Variants in GRAMD1A observed in about 807,000 individuals in gnomAD.
The protein encoded by GRAMD1A is protein Aster-A.
Under a neutral mutation model 92.0 loss-of-function variants are expected in GRAMD1A, and 50 were observed. The ratio of observed to expected loss-of-function variants is 0.54; its 90% CI spans 0.43 to 0.69. The LOEUF (loss-of-function observed/expected upper bound fraction) is 0.69. Among genes scored for constraint, GRAMD1A ranks in the 30% least tolerant of loss-of-function variants. The pLI is 0.00. For synonymous variants in GRAMD1A, 405 were observed against 403.6 expected, an observed-to-expected ratio of 1.00 and a Z score of -0.04; for missense variants, 819 against 978.9, an observed-to-expected ratio of 0.84 and a Z score of 2.18.
rs1384225983 is a variant in GRAMD1A at position 35,023,408 on chromosome 19, A to C, written c.1962-19A>C. 6.2e-7 allele frequency: 1 copy of C among 1,601,860 alleles called. No individual in the cohort carries two copies. Among genetic ancestry groups the C allele is most frequent in the African/African-American group, 1.3e-5 (1 of 74,330 alleles). On this transcript the variant is annotated intron_variant, in intron 18 of 19. Coordinates refer to ENST00000317991, the MANE Select transcript of GRAMD1A (RefSeq NM_020895.5). ...ATCGGGGGAGGCCAAGGCCCTGCTC[A>C]GGCCTGGCATCCCCACAGCAAGTTC... is the stretch of plus-strand genomic sequence containing the variant.
chr19:35,013,788 G>A lies in GRAMD1A; in HGVS notation c.870+97G>A. 1 of 1,245,494 alleles carries A rather than the reference G, an allele frequency of 8.0e-7. No homozygotes were observed. The highest frequency in any genetic ancestry group is 1.1e-6 in the Non-Finnish European group (1 of 880,004). The allele number at this position is 1,245,494 out of a possible 1,614,324, so 77.2% of individuals were successfully genotyped here. A position where few individuals can be genotyped will look rare whatever the true frequency, so the allele number is the denominator to read the frequency against. ...AAGAACAGCCTGACAGATTTGGAGG[G>A]GAATGGATAGGGGGACAGGGGAGGC... On this transcript the variant is annotated intron_variant, in intron 9 of 19. Transcript: ENST00000317991. The surrounding 1 kb of genome is among the most constrained non-coding windows in gnomAD (Gnocchi z 4.9).
rs2015360125 is a variant in GRAMD1A at position 35,013,133 on chromosome 19, G to A, written c.607-123G>A. On this transcript the variant is annotated intron_variant, in intron 7 of 19. Transcript: ENST00000317991. The surrounding 1 kb of genome is among the most constrained non-coding windows in gnomAD (Gnocchi z 4.9). ...TGCTGAGGCCAGGTCTGGTGCGGGA[G>A]ATCGTGGCTGCCTCCTTGTGGAAGC... 1.6e-6 allele frequency: 1 copy of A among 617,872 alleles called. No individual in the cohort carries two copies. The highest frequency in any genetic ancestry group is 2.8e-5 in the East Asian group (1 of 36,272). The allele number at this position is 617,872 out of a possible 1,614,324, so 38.3% of individuals were successfully genotyped here. A position where few individuals can be genotyped will look rare whatever the true frequency, so the allele number is the denominator to read the frequency against.
upstream of GRAMD1A, chr19:34,998,587 C>A (rs1007829768): frequency 2.6e-5 from 4 of 151,836 alleles, no homozygotes; most frequent in African/African-American, 9.7e-5. Context: ...ACAGGCGTGA[C>A]CCAACGCGCC....
Position 35,011,479 on chromosome 19 carries a change from C to T in GRAMD1A, c.531C>T (p.Phe177=), listed in dbSNP as rs774300269. Residue 177 remains phenylalanine (F), a synonymous_variant, in exon 7 of 20, where the codon TTC becomes TTT. Coordinates refer to ENST00000317991, the MANE Select transcript of GRAMD1A (RefSeq NM_020895.5). The part of the protein sequence containing the change: ...IQICTESEKH[F]FTSFGARDRC... Reference sequence around the variant, plus strand: ...TCTCTCTCTCTCCCTGACAGCATTTCTTCACTTCCTTTGGGGCCCGTGACC... The same window carrying T: ...TCTCTCTCTCTCCCTGACAGCATTTTTTCACTTCCTTTGGGGCCCGTGACC... 1.9e-6 allele frequency: 3 copies of T among 1,607,944 alleles called. No homozygotes were observed. The South Asian group carries it at 3.3e-5, about 18-fold the overall frequency.
chr19:34,997,355 G>A (rs2014076365), upstream of GRAMD1A, among the ~76,000 whole-genome samples: 1 of 132,844 alleles, frequency 7.5e-6, no homozygotes, highest in Non-Finnish European at 1.5e-5. Context: ...CATGTGAAAG[G>A]TATTTCCTGC....
In GRAMD1A at chr19:35,009,521, C is replaced by G; in HGVS notation, c.240+78C>G. 6.2e-6 allele frequency: 9 copies of G among 1,453,814 alleles called. No homozygotes were observed. The Admixed American group carries it at 1.5e-4, about 24-fold the overall frequency. 90.1% of individuals were successfully genotyped at this position (1,453,814 alleles called of 1,614,324 possible). On this transcript the variant is annotated intron_variant, in intron 3 of 19. Transcript: ENST00000317991. ...GCCAGGAGCCCCAGGCTGCAACAGT[C>G]AAGGAGTGCGTGCTGAGATGGAGTG...
At chr19:35,011,914 C>T (rs1313822230) in intron 7 of GRAMD1A, among the ~76,000 whole-genome samples, 1 of 152,190 alleles carries the variant, frequency 6.6e-6, no homozygotes, top group Non-Finnish European at 1.5e-5. Context: ...CATCCTCCGG[C>T]TGAGCGGCAC....
chr19:35,018,396 AACTC>A (rs1234527002), intron 11 of GRAMD1A, among the ~76,000 whole-genome samples: 2 of 152,130 alleles, frequency 1.3e-5, no homozygotes, highest in South Asian at 4.1e-4. Context: ...ATCTCGGAAG[AACTC>A]ACTATCATGA....
At chr19:35,003,273 C>T (rs910440142) in intron 1 of GRAMD1A, among the ~76,000 whole-genome samples, 1 of 151,778 alleles carries the variant, frequency 6.6e-6, no homozygotes, top group Non-Finnish European at 1.5e-5. Context: ...ATTGAGTTTC[C>T]CTTTTATGCA....
chr19:35,015,766 C>T (rs1568331027), intron 10 of GRAMD1A, 58 bp from the exon 11 acceptor site: 11 of 1,555,750 alleles, frequency 7.1e-6, no homozygotes, highest in Non-Finnish European at 8.7e-6. Context: ...GAGGCGTGGC[C>T]CGCAGAGGGA....
At chr19:35,004,426 C>A (rs2014648615) in intron 1 of GRAMD1A, among the ~76,000 whole-genome samples, 1 of 152,150 alleles carries the variant, frequency 6.6e-6, no homozygotes, top group South Asian at 2.1e-4. Context: ...CTGGACTCTG[C>A]CTTTTGAACA....
At chr19:35,004,391 T>C (rs2014645254) in intron 1 of GRAMD1A, among the ~76,000 whole-genome samples, 1 of 152,198 alleles carries the variant, frequency 6.6e-6, no homozygotes, top group African/African-American at 2.4e-5. Flanking sequence ...ACCCCAGTTC[T>C]GATTCAGAAG....
upstream of GRAMD1A, among the ~76,000 whole-genome samples, chr19:34,995,379 C>G (rs544380692): frequency 7.2e-5 from 11 of 152,166 alleles, no homozygotes; most frequent in Non-Finnish European, 1.5e-4. Flanking sequence ...ATGGGATTAA[C>G]TGAGCACTTA....
Position 35,015,979 on chromosome 19 carries a change from C to A in GRAMD1A, c.1213+12C>A, listed in dbSNP as rs764628028. 2 of 1,610,594 alleles carry A rather than the reference C, an allele frequency of 1.2e-6. No homozygotes were observed. Among genetic ancestry groups the A allele is most frequent in the Non-Finnish European group, 1.7e-6 (2 of 1,178,206 alleles). ...GTGCAAGTTCACAGGTCAGCGGGCG[C>A]ATGAAGGAGAGGCTGAGGTTACCCA... On this transcript the variant is annotated intron_variant, in intron 11 of 19. Transcript: ENST00000317991.
upstream of GRAMD1A, chr19:35,000,228 C>A: frequency 9.8e-7 from 1 of 1,022,928 alleles, no homozygotes; most frequent in South Asian, 4.6e-5. The surrounding 1 kb of genome is among the most constrained non-coding windows in gnomAD (Gnocchi z 4.9). Flanking sequence ...CCCTCCCCGC[C>A]TTCCCTCCCG....
intron 10 of GRAMD1A, chr19:35,015,278 TTC>T (rs554992806): frequency 2.0e-3 from 301 of 152,664 alleles, no homozygotes; most frequent in Middle Eastern, 0.014. Flanking sequence ...TGTATTCATT[TTC>T]TCTCTCCACT....
chr19:34,996,067 A>C (rs1186332994), upstream of GRAMD1A: 10 of 1,535,842 alleles, frequency 6.5e-6, no homozygotes, highest in Middle Eastern at 3.3e-4. Flanking sequence ...CCCTGTTGGC[A>C]CAGGGCAGTC....
chr19:35,025,888 C>G (rs1406363150), intron 19 of GRAMD1A, among the ~76,000 whole-genome samples, 161 bp from the exon 20 acceptor site: 1 of 152,058 alleles, frequency 6.6e-6, no homozygotes, highest in Non-Finnish European at 1.5e-5. Context: ...AGAAGTTAAA[C>G]TGGGTGCAGC....
In GRAMD1A at chr19:35,009,165, C is replaced by T; in HGVS notation, c.55C>T (p.Leu19Phe). The T allele has an allele frequency of 1.2e-6, 2 of 1,614,028 alleles. No homozygotes were observed. Among genetic ancestry groups the T allele is most frequent in the Non-Finnish European group, 1.7e-6 (2 of 1,179,906 alleles). The change falls in exon 2 of 20, where the codon CTC becomes TTC. Residue 19 changes from leucine to phenylalanine, a missense_variant. Physicochemically the swap from Leu to Phe is conservative, Grantham distance 22. Around this residue, in one of 3 missense-constraint regions of GRAMD1A, gnomAD observed 98 missense variants for 84.0 expected, o/e 1.17. Transcript: ENST00000317991. ...GAGCACGCCAAGCAGCTCCCCATCGCTCCGGAAACGGCTGCAGCTCCTGCC... is the reference window on the plus strand; with the variant it reads ...GAGCACGCCAAGCAGCTCCCCATCGTTCCGGAAACGGCTGCAGCTCCTGCC... ...GRSTPSSSPS[L>F]RKRLQLLPPS...
Sources: gnomAD v4.1 joint callset for allele counts (sites outside exome capture counted in the v4.1 genomes callset) on GRCh38, gnomAD v4.1.1 for gene constraint, gnomAD v4.1.1 regional missense constraint, Gnocchi (gnomAD v3.1) non-coding constraint, MANE v1.5 for transcripts, NCBI Gene and HGNC (gene_info 2026-07-23, HGNC 2026-07-21) for gene names.